MYH16: variants seen among roughly 807,000 people sequenced by gnomAD.
MYH16 encodes putative uncharacterized protein MYH16.
chr7:99,264,026 C>T (rs865910587), intron 14 of MYH16, among the ~76,000 whole-genome samples: 22 of 152,308 alleles, frequency 1.4e-4, no homozygotes, highest in African/African-American at 5.1e-4. Context: ...AAGACTGCAC[C>T]CTCCCAAGGA....
chr7:99,276,033 A>C (rs1202548163), intron 20 of MYH16, among the ~76,000 whole-genome samples: 2 of 152,106 alleles, frequency 1.3e-5, no homozygotes, highest in African/African-American at 4.8e-5. Flanking sequence ...CGGCCTTTTT[A>C]GTTTTTGTTG....
intron 13 of MYH16, among the ~76,000 whole-genome samples, chr7:99,262,109 G>A (rs1352208672): frequency 6.6e-6 from 1 of 152,194 alleles, no homozygotes; most frequent in Non-Finnish European, 1.5e-5. Flanking sequence ...CTTGGGAAGT[G>A]GGGAAATTAA....
intron 32 of MYH16, 108 bp downstream of exon 13, chr7:99,292,616 G>A: frequency 2.5e-6 from 1 of 394,984 alleles, no homozygotes; most frequent in Non-Finnish European, 5.1e-6. Flanking sequence ...CCCAGGAAAA[G>A]GACGTTCACA....
At chr7:99,289,975 A>G (rs889013046) in intron 30 of MYH16, among the ~76,000 whole-genome samples, 3 of 152,154 alleles carry the variant, frequency 2.0e-5, no homozygotes, top group Non-Finnish European at 4.4e-5. Context: ...TTGCATCTCT[A>G]TAACAAAAAT....
At chr7:99,242,182 GA>G (rs1475498308) in intron 1 of MYH16, among the ~76,000 whole-genome samples, 6 of 152,196 alleles carry the variant, frequency 3.9e-5, no homozygotes, top group African/African-American at 1.4e-4. Context: ...TATAGATGAA[GA>G]AATTGGGGTG....
intron 1 of MYH16, among the ~76,000 whole-genome samples, chr7:99,239,703 G>A (rs936907640): frequency 2.6e-5 from 4 of 152,196 alleles, no homozygotes; most frequent in Admixed American, 2.0e-4. Context: ...GGATTTTACA[G>A]CCAGTTGTTA....
intron 24 of MYH16, 79 bp from the exon 7 acceptor site, chr7:99,283,794 G>A (rs73159506): frequency 0.048 from 20,857 of 430,494 alleles, 841 homozygotes; most frequent in African/African-American, 0.15. Context: ...CTAAAGGATC[G>A]GACCCAGTCT....
chr7:99,283,101 A>G (rs1202442332), intron 23 of MYH16, among the ~76,000 whole-genome samples: 1 of 152,082 alleles, frequency 6.6e-6, no homozygotes, highest in Non-Finnish European at 1.5e-5. Flanking sequence ...TATTTCCCAT[A>G]TGCCCCCTGG....
At chr7:99,263,390 A>C (rs1295544511) in exon 14 of MYH16, 1 of 153,680 alleles carries the variant, frequency 6.5e-6, no homozygotes, top group Non-Finnish European at 1.5e-5. Flanking sequence ...TGAATGAAAC[A>C]GTGGTGGGCT....
chr7:99,262,941 C>G (rs1449890774), intron 13 of MYH16, among the ~76,000 whole-genome samples: 1 of 152,192 alleles, frequency 6.6e-6, no homozygotes, highest in Non-Finnish European at 1.5e-5. Flanking sequence ...CAGTCACAGA[C>G]AGCAAACCAC....
At chr7:99,268,743 G>A (rs551073426) in intron 18 of MYH16, among the ~76,000 whole-genome samples, 1 of 152,302 alleles carries the variant, frequency 6.6e-6, no homozygotes, top group South Asian at 2.1e-4. Flanking sequence ...AAACCTCAAC[G>A]CCAATTAATT....
chr7:99,293,667 T>C (rs73408924), intron 32 of MYH16, among the ~76,000 whole-genome samples: 1 of 152,284 alleles, frequency 6.6e-6, no homozygotes, highest in African/African-American at 2.4e-5. Context: ...CCTGGCTCTA[T>C]TTGTCACTGC....
intron 37 of MYH16, among the ~76,000 whole-genome samples, 183 bp downstream of exon 18, chr7:99,299,841 C>T (rs1044999121): frequency 5.0e-4 from 76 of 152,050 alleles, no homozygotes; most frequent in African/African-American, 1.8e-3. Flanking sequence ...AGGCCCTCAA[C>T]CACCGAAAGT....
chr7:99,280,654 AGCAT>A (rs1263558600), intron 22 of MYH16, among the ~76,000 whole-genome samples: 1 of 152,186 alleles, frequency 6.6e-6, no homozygotes, highest in Non-Finnish European at 1.5e-5. Context: ...CTGTATTCCT[AGCAT>A]GCTCCTAGGG....
downstream of MYH16, among the ~76,000 whole-genome samples, chr7:99,308,351 C>T (rs1484198442): frequency 1.3e-5 from 2 of 148,172 alleles, no homozygotes; most frequent in Non-Finnish European, 3.0e-5. Context: ...GCTTGATCCC[C>T]GGGGAGTAGC....
At chr7:99,309,426 G>A (rs933683026), downstream of MYH16, among the ~76,000 whole-genome samples, 11 of 152,196 alleles carry the variant, frequency 7.2e-5, 1 homozygote, top group South Asian at 4.1e-4. Context: ...TTATCTGACC[G>A]TTTGCTTAGG....
chr7:99,288,296 A>C (rs1265050403), intron 29 of MYH16, among the ~76,000 whole-genome samples, 159 bp downstream of exon 10: 1 of 151,932 alleles, frequency 6.6e-6, no homozygotes, highest in Non-Finnish European at 1.5e-5. Flanking sequence ...GAAATTAGCC[A>C]GGGATGGTAG....
chr7:99,277,937 GACAGACAGACAGAC>G lies in MYH16; in HGVS notation n.2659+227_2659+240del, dbSNP rs796664138. Among the ~76,000 whole-genome samples the G allele has an allele frequency of 5.7e-3, 687 of 119,904 alleles. 6 individuals are homozygous for G. The highest frequency in any genetic ancestry group is 0.024 in the African/African-American group (616 of 25,614). 78.7% of individuals were successfully genotyped at this position (119,904 alleles called of 152,430 possible). On this transcript the variant is annotated intron_variant and non_coding_transcript_variant, in intron 21 of 41. Transcript: ENST00000439784. The stretch of plus-strand genomic sequence containing the variant: ...TGTGTGAGAGAGAGAGAGAGAGAGA[GACAGACAGACAGAC>G]AGACAGACAGACAGACAGACAGACA...
intron 6 of MYH16, among the ~76,000 whole-genome samples, chr7:99,252,056 C>T (rs1584341778): frequency 6.6e-6 from 1 of 152,164 alleles, no homozygotes; most frequent in South Asian, 2.1e-4. Context: ...GATACAGAAC[C>T]TTGGCAACAG....
Sources: gnomAD v4.1 joint callset for allele counts (sites outside exome capture counted in the v4.1 genomes callset) on GRCh38, gnomAD v4.1.1 for gene constraint, MANE v1.5 for transcripts, NCBI Gene and HGNC (gene_info 2026-07-23, HGNC 2026-07-21) for gene names.